The following TACC1 variants were observed in gnomAD, a reference collection of about 807,000 sequenced individuals.
TACC1 encodes transforming acidic coiled-coil containing protein 1.
Under a neutral mutation model 84.4 loss-of-function variants are expected in TACC1, and 48 were observed. The ratio of observed to expected loss-of-function variants is 0.57; its 90% CI spans 0.45 to 0.72. TACC1 has a LOEUF of 0.72. TACC1 is among the 30% of genes least tolerant of loss of function. The pLI is 0.00. For synonymous variants in TACC1, 372 were observed against 376.3 expected, an observed-to-expected ratio of 0.99 and a Z score of 0.13; for missense variants, 920 against 973.0, an observed-to-expected ratio of 0.95 and a Z score of 0.72.
At position 38,804,344 on chromosome 8, in the gene TACC1, G is replaced by A. The variant is rs534090202; in HGVS notation, c.278-15178G>A. 5.5e-4 allele frequency among the ~76,000 whole-genome samples: 83 copies of A among 152,114 alleles called. 1 individual carries two copies. The highest frequency in any genetic ancestry group is 3.4e-4 in the Non-Finnish European group (23 of 68,006). Reference sequence around the variant, plus strand: ...GATGGAATTTCGCTCTTGTCACCCAGGCTGAGTTCAGTGGCGCCATCTTGG... The same window carrying A: ...GATGGAATTTCGCTCTTGTCACCCAAGCTGAGTTCAGTGGCGCCATCTTGG... On this transcript the variant is annotated intron_variant, in intron 2 of 12. Transcript: ENST00000317827.
rs2152315795 is a variant in TACC1, at chr8:38,840,154, G to C, written c.1917-70G>C. 8.4e-6 allele frequency: 10 copies of C among 1,190,384 alleles called. 1 individual carries two copies. In the South Asian group the frequency reaches 1.3e-4, roughly 15 times the overall value. The allele number at this position is 1,190,384 out of a possible 1,614,324, so 73.7% of individuals were successfully genotyped here. A position where few individuals can be genotyped will look rare whatever the true frequency, so the allele number is the denominator to read the frequency against. Reference sequence around the variant, plus strand: ...TATGTTAATGTGTTTAATTGTTTGGGACAGCATTTCTCCAACTTTCATTGT... The same window carrying C: ...TATGTTAATGTGTTTAATTGTTTGGCACAGCATTTCTCCAACTTTCATTGT... On this transcript the variant is annotated intron_variant, in intron 8 of 12. Coordinates refer to ENST00000317827, the MANE Select transcript of TACC1 (RefSeq NM_006283.3).
chr8:38,775,180 G>A (rs1814581428), intron 3 of TACC1, among the ~76,000 whole-genome samples: 1 of 152,054 alleles, frequency 6.6e-6, no homozygotes, highest in Admixed American at 6.6e-5. Flanking sequence ...TTTTGGGGCT[G>A]GGGGGAAACT....
intron 2 of TACC1, 130 bp from the exon 3 acceptor site, chr8:38,819,392 G>C (rs1587967136): frequency 1.8e-6 from 2 of 1,101,110 alleles, no homozygotes; most frequent in East Asian, 5.2e-5. Flanking sequence ...CATCCTTCCT[G>C]AACTTTAGAG....
chr8:38,800,739 T>A (rs1821161880), intron 2 of TACC1, among the ~76,000 whole-genome samples: 1 of 152,256 alleles, frequency 6.6e-6, no homozygotes, highest in South Asian at 2.1e-4. Context: ...CATGGATTTA[T>A]GTTTTCATTT....
At chr8:38,783,617 C>T (rs565453822), upstream of TACC1, among the ~76,000 whole-genome samples, 11 of 152,244 alleles carry the variant, frequency 7.2e-5, no homozygotes, top group Non-Finnish European at 1.2e-4. Context: ...GATGGAGTTT[C>T]ACCATGTTGG....
intron 1 of TACC1, among the ~76,000 whole-genome samples, chr8:38,730,669 CCA>C (rs1318359630): frequency 6.6e-6 from 1 of 152,206 alleles, no homozygotes; most frequent in Non-Finnish European, 1.5e-5. Flanking sequence ...TGAGTCTGAG[CCA>C]TACTGCCTTG....
intron 3 of TACC1, among the ~76,000 whole-genome samples, chr8:38,781,513 C>G (rs541846594): frequency 1.3e-5 from 2 of 151,726 alleles, no homozygotes; most frequent in Non-Finnish European, 2.9e-5. Context: ...GTCTGAGTAG[C>G]TAGGATGACA....
At chr8:38,787,867 G>A (rs1027796151) in intron 1 of TACC1, 124 bp downstream of exon 1, 5 of 972,708 alleles carry the variant, frequency 5.1e-6, no homozygotes, top group Admixed American at 3.8e-5. Flanking sequence ...CCGCGTCCCT[G>A]CCCGGAGCCG....
At chr8:38,797,955 CCATGGG>C (rs967723445) in intron 2 of TACC1, among the ~76,000 whole-genome samples, 5 of 152,268 alleles carry the variant, frequency 3.3e-5, no homozygotes, top group African/African-American at 1.2e-4. Flanking sequence ...GTTCCAGAAC[CCATGGG>C]CATCTCATGA....
At chr8:38,801,733 C>T (rs1232239570) in intron 2 of TACC1, among the ~76,000 whole-genome samples, 1 of 152,086 alleles carries the variant, frequency 6.6e-6, no homozygotes, top group Non-Finnish European at 1.5e-5. Flanking sequence ...ATTTTAGAAT[C>T]AGTCTGTTAA....
At position 38,752,364 on chromosome 8, in the gene TACC1, G is replaced by A. The variant is rs529227902; in HGVS notation, c.26+6871G>A. Among the ~76,000 whole-genome samples, 53 of 152,106 alleles carry A rather than the reference G, an allele frequency of 3.5e-4. No individual in the cohort carries two copies. The South Asian group carries it at 0.01, about 30-fold the overall frequency. The stretch of plus-strand genomic sequence containing the variant: ...CGTGTGCCTGTAGTCGCAGCTACTC[G>A]GGAGGCTGAGGGAGGAGAATTGCTT... On this transcript the variant is annotated intron_variant, in intron 3 of 14. Coordinates refer to the TACC1 transcript ENST00000518415.
intron 3 of TACC1, among the ~76,000 whole-genome samples, chr8:38,764,800 T>A (rs1034522801): frequency 5.3e-5 from 8 of 151,852 alleles, no homozygotes; most frequent in African/African-American, 1.9e-4. Flanking sequence ...AAATACCATT[T>A]AAAAAATTTA....
chr8:38,842,037 G>C (rs1279639043), intron 9 of TACC1, among the ~76,000 whole-genome samples: 2 of 152,070 alleles, frequency 1.3e-5, no homozygotes, highest in African/African-American at 2.4e-5. Flanking sequence ...TCTATGCTCA[G>C]ATCTCTCCCT....
At chr8:38,822,052 C>T (rs1563799955) in intron 3 of TACC1, among the ~76,000 whole-genome samples, 1 of 151,856 alleles carries the variant, frequency 6.6e-6, no homozygotes, top group Admixed American at 6.6e-5. Flanking sequence ...GAGACACCCC[C>T]CCACACACAC....
chr8:38,780,568 G>A (rs190466770), intron 3 of TACC1, among the ~76,000 whole-genome samples: 3 of 151,294 alleles, frequency 2.0e-5, no homozygotes, highest in African/African-American at 2.4e-5. Context: ...TTGCATAAAT[G>A]TGTCTCAATG....
At chr8:38,827,717 T>G (rs796227866) in intron 5 of TACC1, 1 of 263,852 alleles carries the variant, frequency 3.8e-6, no homozygotes. Context: ...TGAGAATGGC[T>G]AATTTATAGG....
At position 38,753,562 on chromosome 8, in the gene TACC1, G is replaced by A. The variant is rs375280699; in HGVS notation, c.26+8069G>A. Among the ~76,000 whole-genome samples the A allele has an allele frequency of 1.1e-4, 16 of 152,344 alleles. No individual in the cohort carries two copies. The East Asian group carries it at 2.5e-3, about 24-fold the overall frequency. Reference sequence around the variant, plus strand: ...ATCTTGGTTCTGCTTCCATGAGAGGGACAAAGCATTATATGTTGTGGGGTA... The same window carrying A: ...ATCTTGGTTCTGCTTCCATGAGAGGAACAAAGCATTATATGTTGTGGGGTA... On this transcript the variant is annotated intron_variant, in intron 3 of 14. Coordinates refer to the TACC1 transcript ENST00000518415.
At chr8:38,764,160 C>T (rs1811755565) in intron 3 of TACC1, among the ~76,000 whole-genome samples, 2 of 152,178 alleles carry the variant, frequency 1.3e-5, no homozygotes, top group African/African-American at 4.8e-5. Flanking sequence ...TCACTGCAAC[C>T]TCCACCTTCC....
intron 3 of TACC1, among the ~76,000 whole-genome samples, chr8:38,746,351 T>A (rs1028584425): frequency 6.6e-6 from 1 of 152,246 alleles, no homozygotes; most frequent in Non-Finnish European, 1.5e-5. Context: ...GACTTAGATG[T>A]GCCTTGGAGT....
Sources: gnomAD v4.1 joint callset for allele counts (sites outside exome capture counted in the v4.1 genomes callset) on GRCh38, gnomAD v4.1.1 for gene constraint, MANE v1.5 for transcripts, NCBI Gene and HGNC (gene_info 2026-07-23, HGNC 2026-07-21) for gene names.